GALNT10: variants seen among roughly 807,000 people sequenced by gnomAD.
GALNT10 encodes the protein GalNAc transferase 10.
GALNT10 carries 41 observed loss-of-function variants against 75.0 expected under a neutral mutation model. The ratio of observed to expected loss-of-function variants is 0.55; its 90% confidence interval spans 0.43 to 0.71. The LOEUF is 0.71. Among genes scored for constraint, GALNT10 ranks in the 30% least tolerant of loss-of-function variants. The probability of loss-of-function intolerance (pLI) is 0.00; values close to 1 mark genes in which losing one functional copy is unlikely to be tolerated. For missense variants in GALNT10, 727 were observed against 818.5 expected (o/e 0.89, Z 1.36); for synonymous variants, 302 against 313.0 (o/e 0.96, Z 0.37).
At position 154,416,896 on chromosome 5, in the gene GALNT10, A is replaced by G. The variant is rs139580325; in HGVS notation, c.1736A>G (p.Asn579Ser). 94 of 1,613,666 alleles carry G rather than the reference A, an allele frequency of 5.8e-5. No individual in the cohort carries two copies. The African/African-American group carries it at 1.1e-3, about 18-fold the overall frequency. Residue 579 changes from asparagine (N) to serine (S), a missense_variant, in exon 12 of 12, where the codon AAC becomes AGC. Transcript: ENST00000297107. This position sits in a 1 kb window ranked among gnomAD's most constrained non-coding sequence, Gnocchi z 4.5. Reference sequence around the variant, plus strand: ...CATAGGATCTTCATGAACACCTGCAACCCATCCTCTCTCACCCAGCAGTGG... The same window carrying G: ...CATAGGATCTTCATGAACACCTGCAGCCCATCCTCTCTCACCCAGCAGTGG... ...SDHRIFMNTC[N>S]PSSLTQQWLF...
chr5:154,359,599 A>G (rs1755351465), intron 4 of GALNT10, among the ~76,000 whole-genome samples: 2 of 151,532 alleles, frequency 1.3e-5, no homozygotes, highest in South Asian at 4.2e-4. Flanking sequence ...AAACTTGTAA[A>G]TCCTATATCC....
intron 1 of GALNT10, among the ~76,000 whole-genome samples, chr5:154,254,391 G>T (rs1483052062): frequency 5.9e-5 from 9 of 152,036 alleles, no homozygotes; most frequent in Non-Finnish European, 1.2e-4. Flanking sequence ...TAAATATTGA[G>T]ATCACACTGA....
intron 10 of GALNT10, among the ~76,000 whole-genome samples, chr5:154,414,519 T>C (rs1756465978): frequency 6.6e-6 from 1 of 152,200 alleles, no homozygotes; most frequent in Non-Finnish European, 1.5e-5. Context: ...TAGAAAATTC[T>C]AGAAATTGCA....
intron 4 of GALNT10, among the ~76,000 whole-genome samples, chr5:154,373,577 G>C (rs77873385): frequency 0.047 from 7,125 of 152,134 alleles, 227 homozygotes; most frequent in Non-Finnish European, 0.064. Flanking sequence ...ATGAAATAGG[G>C]AGCTTCGCAT....
chr5:154,391,304 A>G (rs1188177317), intron 7 of GALNT10, among the ~76,000 whole-genome samples: 1 of 152,178 alleles, frequency 6.6e-6, no homozygotes. Context: ...GAAAGGCATG[A>G]GTGTATTTTC....
At chr5:154,375,579 T>C (rs1750709200) in intron 4 of GALNT10, among the ~76,000 whole-genome samples, 1 of 152,200 alleles carries the variant, frequency 6.6e-6, no homozygotes, top group African/African-American at 2.4e-5. Flanking sequence ...GGAACTGAAA[T>C]GTCATCAGGA....
intron 3 of GALNT10, among the ~76,000 whole-genome samples, chr5:154,312,374 C>T (rs547681351): frequency 5.3e-5 from 8 of 152,282 alleles, no homozygotes; most frequent in African/African-American, 9.6e-5. Flanking sequence ...CCCCACTTTA[C>T]GCTCCAATCC....
chr5:154,201,574 TTTG>T (rs548986990), intron 1 of GALNT10, among the ~76,000 whole-genome samples: 27 of 151,948 alleles, frequency 1.8e-4, no homozygotes, highest in Non-Finnish European at 2.8e-4. Context: ...CTAATAAAGT[TTTG>T]TTGTTGTTGT....
chr5:154,271,006 A>AG lies in GALNT10; in HGVS notation c.160-23810_160-23809insG, dbSNP rs1314579606. On this transcript the variant is annotated intron_variant, in intron 1 of 11. Transcript: ENST00000297107. ...GATTCCATCTCAAAAAAAAAAAAAA[A>AG]AAAAAAGGGATACCAAGTGGCCAGT... is the stretch of plus-strand genomic sequence containing the variant. Among the ~76,000 whole-genome samples, 3 of 151,804 alleles carry AG rather than the reference A, an allele frequency of 2.0e-5. No individual in the cohort carries two copies. In the East Asian group the frequency reaches 5.8e-4, roughly 29 times the overall value.
rs1042022514 is a variant in GALNT10 at position 154,416,736 on chromosome 5, A to G, written c.1654-78A>G. On this transcript the variant is annotated intron_variant, in intron 11 of 11. Coordinates refer to ENST00000297107, the MANE Select transcript of GALNT10 (RefSeq NM_198321.4). The surrounding 1 kb of genome is among the most constrained non-coding windows in gnomAD (Gnocchi z 4.5). ...CAGTCAGTCACTTCCTCACTTTCTC[A>G]TTGCTGGTATTGTTGCTGTGGTTTG... 2.0e-6 allele frequency: 2 copies of G among 1,016,330 alleles called. No homozygotes were observed. The highest frequency in any genetic ancestry group is 3.2e-5 in the African/African-American group (2 of 63,288). 63.0% of individuals were successfully genotyped at this position (1,016,330 alleles called of 1,614,324 possible).
intron 1 of GALNT10, among the ~76,000 whole-genome samples, chr5:154,243,737 C>A (rs1234212587): frequency 6.6e-6 from 1 of 152,224 alleles, no homozygotes; most frequent in Non-Finnish European, 1.5e-5. Context: ...TTATTATGTT[C>A]TTTCAAAGAT....
chr5:154,288,612 G>T (rs1019931014), intron 1 of GALNT10, among the ~76,000 whole-genome samples: 1 of 152,078 alleles, frequency 6.6e-6, no homozygotes, highest in Non-Finnish European at 1.5e-5. Context: ...TTCTTGCCAT[G>T]TTCCTTCCTA....
intron 3 of GALNT10, among the ~76,000 whole-genome samples, chr5:154,321,083 C>G (rs1040146701): frequency 5.3e-5 from 8 of 152,092 alleles, no homozygotes; most frequent in African/African-American, 1.9e-4. Context: ...CAGCGAACAC[C>G]CATGTTCCCA....
At chr5:154,220,540 G>A (rs1752962745) in intron 1 of GALNT10, 1 of 152,248 alleles carries the variant, frequency 6.6e-6, no homozygotes, top group Non-Finnish European at 1.5e-5. Context: ...TGCTGAAATA[G>A]GGGTGGGTAG....
rs1466390723 is a variant in GALNT10, at chr5:154,352,859, A to G, written c.568+23121A>G. Among the ~76,000 whole-genome samples, 2 of 152,210 alleles carry G rather than the reference A, an allele frequency of 1.3e-5. No individual in the cohort carries two copies. The highest frequency in any genetic ancestry group is 1.9e-4 in the East Asian group (1 of 5,200). On this transcript the variant is annotated intron_variant, in intron 4 of 11. Coordinates refer to ENST00000297107, the MANE Select transcript of GALNT10 (RefSeq NM_198321.4). The surrounding 1 kb of genome is among the most constrained non-coding windows in gnomAD (Gnocchi z 4.4). The stretch of plus-strand genomic sequence containing the variant: ...CATCGGGACATGGCTATGGCAGGGA[A>G]GAAATTTTCACAGGGCGCCCAACTC...
chr5:154,225,799 C>T (rs753217921), intron 1 of GALNT10, among the ~76,000 whole-genome samples: 101 of 152,164 alleles, frequency 6.6e-4, no homozygotes, highest in Middle Eastern at 3.4e-3. Context: ...TGCTTTCTTT[C>T]CTTTGGATTT....
chr5:154,297,903 A>T, intron 2 of GALNT10, 38 bp from the exon 3 acceptor site: 1 of 1,594,648 alleles, frequency 6.3e-7, no homozygotes, highest in African/African-American at 1.3e-5. Flanking sequence ...AGTACCCCAT[A>T]CATCATTAGC....
chr5:154,217,974 G>A (rs1752909627), intron 1 of GALNT10: 2 of 979,652 alleles, frequency 2.0e-6, no homozygotes, highest in Non-Finnish European at 2.4e-6. Context: ...TTGGGGTAGG[G>A]ATAGAAGAAA....
At chr5:154,347,342 A>ATGT in intron 4 of GALNT10, 1 of 413,096 alleles carries the variant, frequency 2.4e-6, no homozygotes, top group South Asian at 1.9e-5. Context: ...GTTACCTCCT[A>ATGT]TGTGGTGATA....
Sources: gnomAD v4.1 joint callset for allele counts (sites outside exome capture counted in the v4.1 genomes callset) on GRCh38, gnomAD v4.1.1 for gene constraint, Gnocchi (gnomAD v3.1) non-coding constraint, MANE v1.5 for transcripts, NCBI Gene and HGNC (gene_info 2026-07-23, HGNC 2026-07-21) for gene names.